ELK3: variants seen among roughly 807,000 people sequenced by gnomAD.
The protein encoded by ELK3 is ETS transcription factor ELK3.
In ELK3, 10 loss-of-function variants were observed where a neutral mutation model predicts 28.9. That is an observed-to-expected ratio of 0.35 (90% CI 0.21 to 0.59). ELK3 has a LOEUF of 0.59. Ranked by LOEUF, ELK3 falls within the 20% of genes least tolerant of loss-of-function variation. ELK3 has a pLI of 0.82. For synonymous variants in ELK3, 272 were observed against 243.5 expected (o/e 1.12, Z -1.09); for missense variants, 463 against 517.3 (o/e 0.90, Z 1.02).
chr12:96,220,086 G>T (rs1449118746), intron 1 of ELK3, among the ~76,000 whole-genome samples: 1 of 152,154 alleles, frequency 6.6e-6, no homozygotes, highest in Admixed American at 6.5e-5. Context: ...GTTGAACTGT[G>T]GGGGCATTTC....
At chr12:96,198,747 T>A (rs779775869) in intron 1 of ELK3, among the ~76,000 whole-genome samples, 11 of 152,244 alleles carry the variant, frequency 7.2e-5, no homozygotes, top group Non-Finnish European at 1.3e-4. Flanking sequence ...TACCTTTTGA[T>A]GTGTAATTGT....
At chr12:96,236,087 A>G (rs574069593) in intron 2 of ELK3, among the ~76,000 whole-genome samples, 16 of 152,254 alleles carry the variant, frequency 1.1e-4, no homozygotes, top group South Asian at 6.2e-4. Context: ...TGGCCTCCCA[A>G]ACTGCTGGGA....
chr12:96,259,600 C>T (rs1340593699), intron 3 of ELK3, 131 bp from the exon 4 acceptor site: 9 of 1,008,754 alleles, frequency 8.9e-6, no homozygotes, highest in Admixed American at 2.6e-5. Flanking sequence ...TTAACGTTGC[C>T]AGTTTTCCTG....
At position 96,233,142 on chromosome 12, in the gene ELK3, A is replaced by G. The variant is rs547037557; in HGVS notation, c.207+9369A>G. 4.6e-5 allele frequency among the ~76,000 whole-genome samples: 7 copies of G among 152,258 alleles called. No homozygotes were observed. The East Asian group carries it at 1.2e-3, about 25-fold the overall frequency. On this transcript the variant is annotated intron_variant, in intron 2 of 4. Transcript: ENST00000228741. ...TCTCTCTGCTGGCCGAGTTGGCCCT[A>G]TCACACCTTCAGCATGAGGTGGAGA...
intron 1 of ELK3, among the ~76,000 whole-genome samples, chr12:96,198,361 G>A (rs900854251): frequency 2.6e-5 from 4 of 152,174 alleles, no homozygotes; most frequent in Non-Finnish European, 5.9e-5. Context: ...TGTACCAGCT[G>A]TCTCATTAAA....
chr12:96,238,746 T>C (rs912461467), intron 2 of ELK3, among the ~76,000 whole-genome samples: 4 of 152,176 alleles, frequency 2.6e-5, no homozygotes, highest in Non-Finnish European at 5.9e-5. Context: ...AGGTAATGAA[T>C]GGACCTTACG....
intron 1 of ELK3, among the ~76,000 whole-genome samples, chr12:96,212,994 C>G (rs1265916386): frequency 6.6e-6 from 1 of 152,142 alleles, no homozygotes; most frequent in Non-Finnish European, 1.5e-5. Context: ...TCATTACACA[C>G]CTTTTAATTG....
At chr12:96,239,123 T>C (rs771389138) in intron 2 of ELK3, among the ~76,000 whole-genome samples, 2 of 152,360 alleles carry the variant, frequency 1.3e-5, no homozygotes, top group Admixed American at 1.3e-4. Flanking sequence ...ATATCAAATA[T>C]ACATTCTTTA....
Position 96,247,252 on chromosome 12 carries a change from C to A in ELK3, c.520C>A (p.Pro174Thr), listed in dbSNP as rs751445876. 7.4e-6 allele frequency: 12 copies of A among 1,614,076 alleles called. No individual in the cohort carries two copies. In the East Asian group the frequency reaches 8.9e-5, roughly 12 times the overall value. Residue 174 changes from proline (P) to threonine (T), a missense_variant, in exon 3 of 5, where the codon CCC becomes ACC. Pro to Thr is a conservative substitution (Grantham distance 38). Around this residue, in one of 2 missense-constraint regions of ELK3, gnomAD observed 408 missense variants for 414.8 expected, o/e 0.98. Coordinates refer to ENST00000228741, the MANE Select transcript of ELK3 (RefSeq NM_005230.4). This position sits in a 1 kb window ranked among gnomAD's most constrained non-coding sequence, Gnocchi z 5.5. ...GCTGGAGGAGCCGCCCGAAGACAGCCCCCCCGTGGAAGAAGTCAGGACTGT... is the reference window on the plus strand; with the variant it reads ...GCTGGAGGAGCCGCCCGAAGACAGCACCCCCGTGGAAGAAGTCAGGACTGT... ...EKLEEPPEDSPPVEEVRTVIR... is the reference protein window; with the variant it reads ...EKLEEPPEDSTPVEEVRTVIR...
intron 2 of ELK3, among the ~76,000 whole-genome samples, chr12:96,245,163 T>C (rs2137031616): frequency 6.6e-6 from 1 of 152,306 alleles, no homozygotes; most frequent in East Asian, 1.9e-4. Flanking sequence ...GACCCTTAAA[T>C]GTGCCCTTCG....
At chr12:96,217,886 C>T (rs570245949) in intron 1 of ELK3, among the ~76,000 whole-genome samples, 13 of 140,088 alleles carry the variant, frequency 9.3e-5, no homozygotes, top group Non-Finnish European at 4.5e-5. Flanking sequence ...TGCAGTGAGC[C>T]GAGATCGCAC....
intron 4 of ELK3, among the ~76,000 whole-genome samples, chr12:96,265,515 G>A (rs769899092): frequency 6.6e-6 from 1 of 151,976 alleles, no homozygotes; most frequent in Non-Finnish European, 1.5e-5. Context: ...GTGAAACCTC[G>A]TATTTACCAA....
intron 4 of ELK3, among the ~76,000 whole-genome samples, chr12:96,260,870 G>A (rs143150966): frequency 0.01 from 1,540 of 152,244 alleles, 46 homozygotes; most frequent in Admixed American, 0.061. Flanking sequence ...CTAGCACGTG[G>A]CACTTTGTAT....
chr12:96,265,075 G>A (rs138995512), intron 4 of ELK3, among the ~76,000 whole-genome samples: 26 of 152,254 alleles, frequency 1.7e-4, no homozygotes, highest in African/African-American at 5.3e-4. Flanking sequence ...AAGAGGCATT[G>A]GTTGGAGATG....
intron 4 of ELK3, among the ~76,000 whole-genome samples, chr12:96,262,123 A>T (rs1249905397): frequency 6.7e-6 from 1 of 149,330 alleles, no homozygotes; most frequent in Non-Finnish European, 1.5e-5. Flanking sequence ...GGTCCAAGTG[A>T]TTCTCTTGCT....
intron 1 of ELK3, among the ~76,000 whole-genome samples, chr12:96,204,560 G>A (rs1378075093): frequency 1.3e-5 from 2 of 152,162 alleles, no homozygotes; most frequent in Non-Finnish European, 2.9e-5. Context: ...CTCCTTGCAC[G>A]TAATTGTCAG....
At position 96,223,655 on chromosome 12, in the gene ELK3, A is replaced by G; in HGVS notation, c.89A>G (p.Asp30Gly). ...CATTTGATCTGCTGGACCTCGAACG[A>G]TGGTGAATTCAAGCTCCTCAAAGCA... is the stretch of plus-strand genomic sequence containing the variant. ...HEHLICWTSN[D>G]GEFKLLKAEE... Residue 30 changes from aspartate to glycine, a missense_variant, in exon 2 of 5, where the codon GAT becomes GGT. This residue lies in a region of ELK3 where 55 missense variants were observed against 102.5 expected (regional missense o/e 0.54). Coordinates refer to ENST00000228741, the MANE Select transcript of ELK3 (RefSeq NM_005230.4). 1 of 1,614,176 alleles carries G rather than the reference A, an allele frequency of 6.2e-7. No individual in the cohort carries two copies. Among genetic ancestry groups the G allele is most frequent in the Non-Finnish European group, 8.5e-7 (1 of 1,180,042 alleles).
At chr12:96,209,625 C>G (rs1251186507) in intron 1 of ELK3, among the ~76,000 whole-genome samples, 1 of 151,960 alleles carries the variant, frequency 6.6e-6, no homozygotes, top group African/African-American at 2.4e-5. Context: ...TTTGTAACAC[C>G]ATCTTAAAGT....
At chr12:96,232,259 G>C (rs903779343) in intron 2 of ELK3, among the ~76,000 whole-genome samples, 1 of 152,140 alleles carries the variant, frequency 6.6e-6, no homozygotes, top group East Asian at 1.9e-4. Flanking sequence ...TTGGAACTCT[G>C]TGGTGAGAGC....
Sources: gnomAD v4.1 joint callset for allele counts (sites outside exome capture counted in the v4.1 genomes callset) on GRCh38, gnomAD v4.1.1 for gene constraint, gnomAD v4.1.1 regional missense constraint, Gnocchi (gnomAD v3.1) non-coding constraint, MANE v1.5 for transcripts, NCBI Gene and HGNC (gene_info 2026-07-23, HGNC 2026-07-21) for gene names.